PHF14: variants seen among roughly 807,000 people sequenced by gnomAD.
The protein encoded by PHF14 is PHD finger protein 14.
A neutral mutation model predicts 117.9 loss-of-function variants in PHF14; 55 were observed. That is an observed-to-expected ratio of 0.47 (90% CI 0.38 to 0.58). PHF14 has a LOEUF of 0.58. PHF14 is among the 20% of genes least tolerant of loss of function. PHF14 has a pLI of 0.00. For missense variants in PHF14, 978 were observed against 1,122.2 expected (o/e 0.87, Z 1.84); for synonymous variants, 409 against 368.6 (o/e 1.11, Z -1.26).
At chr7:11,028,131 C>G (rs1237294196) in intron 6 of PHF14, among the ~76,000 whole-genome samples, 1 of 152,088 alleles carries the variant, frequency 6.6e-6, no homozygotes, top group African/African-American at 2.4e-5. Flanking sequence ...CTTAGTGTTG[C>G]CTACCTTTAA....
At chr7:11,043,989 T>TA (rs944448561) in intron 13 of PHF14, among the ~76,000 whole-genome samples, 123 of 150,810 alleles carry the variant, frequency 8.2e-4, no homozygotes, top group African/African-American at 2.7e-3. Context: ...TTTCTGCAGC[T>TA]AAAAAAAAAC....
intron 16 of PHF14, chr7:11,105,618 A>G (rs1787232584): frequency 2.0e-6 from 2 of 984,524 alleles, no homozygotes; most frequent in Non-Finnish European, 2.4e-6. Context: ...CATTTTTTCT[A>G]CCTGTCTGAA....
At chr7:11,065,903 G>T (rs1192961153) in intron 16 of PHF14, among the ~76,000 whole-genome samples, 1 of 152,102 alleles carries the variant, frequency 6.6e-6, no homozygotes, top group Admixed American at 6.5e-5. Flanking sequence ...CTCTTAAATA[G>T]CATCTTTAAT....
intron 17 of PHF14, among the ~76,000 whole-genome samples, chr7:11,144,342 A>G (rs1788484668): frequency 6.6e-6 from 1 of 152,080 alleles, no homozygotes; most frequent in Admixed American, 6.6e-5. Flanking sequence ...ACTAACTTAT[A>G]ACCCAGCAAT....
chr7:10,974,636 C>A (rs1781799920), intron 1 of PHF14, among the ~76,000 whole-genome samples, 199 bp from the exon 2 acceptor site: 1 of 152,154 alleles, frequency 6.6e-6, no homozygotes, highest in Non-Finnish European at 1.5e-5. Flanking sequence ...GCTGGAGCTG[C>A]CTTTGAAACT....
In PHF14 at chr7:11,016,470, A is replaced by G. The variant is rs1346555724; in HGVS notation, c.1205+2564A>G. On this transcript the variant is annotated intron_variant, in intron 5 of 17. Coordinates refer to ENST00000634607, the MANE Select transcript of PHF14 (RefSeq NM_001007157.2). ...CAAGTTCTACATAGAAAATGATGTG[A>G]TTTAATGTAAGAAAACCAGTACATT... is the stretch of plus-strand genomic sequence containing the variant. Among the ~76,000 whole-genome samples, 4 of 152,270 alleles carry G rather than the reference A, an allele frequency of 2.6e-5. No homozygotes were observed. The East Asian group carries it at 5.8e-4, about 22-fold the overall frequency.
intron 16 of PHF14, chr7:11,063,353 C>A (rs1205018026): frequency 1.0e-6 from 1 of 983,100 alleles, no homozygotes; most frequent in Non-Finnish European, 1.2e-6. Context: ...ATAAATTTTG[C>A]AATATGTCGA....
intron 13 of PHF14, among the ~76,000 whole-genome samples, chr7:11,046,663 CA>C (rs558364791): frequency 2.4e-4 from 37 of 152,046 alleles, no homozygotes; most frequent in African/African-American, 8.9e-4. Context: ...ATTATAACTA[CA>C]AAAAGAATAA....
chr7:11,045,110 G>C (rs1381112230), intron 13 of PHF14, among the ~76,000 whole-genome samples: 3 of 152,090 alleles, frequency 2.0e-5, no homozygotes, highest in African/African-American at 7.2e-5. Flanking sequence ...AATTGAAATT[G>C]CCATAGTTAG....
At chr7:10,981,016 A>G (rs532492932) in intron 2 of PHF14, among the ~76,000 whole-genome samples, 43 of 152,300 alleles carry the variant, frequency 2.8e-4, no homozygotes, top group African/African-American at 9.9e-4. Context: ...ATGATTTCAT[A>G]GGGTCAGTCA....
rs187258867 is a variant in PHF14 at position 11,066,783 on chromosome 7, T to G, written c.2654+4698T>G. ...TATTATATTCCATTGAGTTATGTAT[T>G]TATTCCTGTGCCAAGACCAACTCTT... is the stretch of plus-strand genomic sequence containing the variant. On this transcript the variant is annotated intron_variant, in intron 16 of 17. Transcript: ENST00000634607. Among the ~76,000 whole-genome samples the G allele has an allele frequency of 3.5e-4, 54 of 152,318 alleles. No individual in the cohort carries two copies. The South Asian group carries it at 5.6e-3, about 16-fold the overall frequency.
At position 11,061,823 on chromosome 7, in the gene PHF14, T is replaced by A; in HGVS notation, c.2514T>A (p.Pro838=). The A allele has an allele frequency of 6.5e-7, 1 of 1,526,830 alleles. No individual in the cohort carries two copies. The highest frequency in any genetic ancestry group is 8.8e-7 in the Non-Finnish European group (1 of 1,137,828). 94.6% of individuals were successfully genotyped at this position (1,526,830 alleles called of 1,614,324 possible). A position where few individuals can be genotyped will look rare whatever the true frequency, so the allele number is the denominator to read the frequency against. ...GAGGACGAAAACGAAGCTTCGTTCC[T>A]GAGGAAGAAAAACATGAGGTTGGAA... ...RTRGRKRSFV[P]EEEKHEERVP... The change falls in exon 15 of 18, where the codon CCT becomes CCA. Residue 838 remains proline (P), a synonymous_variant. Transcript: ENST00000634607.
intron 4 of PHF14, chr7:11,006,431 A>G (rs1220595859): frequency 3.8e-6 from 2 of 529,322 alleles, no homozygotes; most frequent in African/African-American, 3.8e-5. Context: ...GCAAGATTCA[A>G]AGCATTGTAA....
At chr7:11,071,941 T>C (rs556262342) in intron 16 of PHF14, among the ~76,000 whole-genome samples, 13 of 152,338 alleles carry the variant, frequency 8.5e-5, no homozygotes, top group African/African-American at 2.4e-4. Flanking sequence ...AGAGCCTAGA[T>C]TCTATTACAT....
chr7:11,049,174 T>G (rs559219197), intron 13 of PHF14, among the ~76,000 whole-genome samples: 2 of 152,250 alleles, frequency 1.3e-5, no homozygotes, highest in African/African-American at 2.4e-5. Flanking sequence ...AAACAACATA[T>G]TTTAAAAGTA....
intron 17 of PHF14, among the ~76,000 whole-genome samples, chr7:11,133,838 G>A (rs1413600693): frequency 1.3e-5 from 2 of 152,010 alleles, no homozygotes; most frequent in Admixed American, 1.3e-4. Flanking sequence ...AACAATTGCA[G>A]TATGCAGTGA....
intron 7 of PHF14, among the ~76,000 whole-genome samples, chr7:11,033,290 C>T (rs1784186753): frequency 1.3e-5 from 2 of 152,172 alleles, no homozygotes; most frequent in Middle Eastern, 3.2e-3. Flanking sequence ...GGATTGGATA[C>T]TGAGGGGAGT....
chr7:11,083,310 G>C (rs1786225722), intron 16 of PHF14, among the ~76,000 whole-genome samples: 1 of 152,006 alleles, frequency 6.6e-6, no homozygotes, highest in Non-Finnish European at 1.5e-5. Context: ...CTGACATTCT[G>C]GAATTATAGT....
At chr7:11,138,393 C>G (rs578014707) in intron 17 of PHF14, among the ~76,000 whole-genome samples, 1 of 152,186 alleles carries the variant, frequency 6.6e-6, no homozygotes, top group Admixed American at 6.5e-5. Context: ...AAAAAAAACA[C>G]AGTTGAGAAA....
Sources: gnomAD v4.1 joint callset for allele counts (sites outside exome capture counted in the v4.1 genomes callset) on GRCh38, gnomAD v4.1.1 for gene constraint, MANE v1.5 for transcripts, NCBI Gene and HGNC (gene_info 2026-07-23, HGNC 2026-07-21) for gene names.